The following IL1RAPL2 variants were observed in gnomAD, a reference collection of about 807,000 sequenced individuals.
IL1RAPL2 encodes interleukin 1 receptor accessory protein like 2.
A neutral mutation model predicts 44.1 loss-of-function variants in IL1RAPL2; 3 were observed. That is an observed-to-expected ratio of 0.07 (90% CI 0.03 to 0.18). IL1RAPL2 has a LOEUF of 0.18. Ranked by LOEUF, IL1RAPL2 falls within the 10% of genes least tolerant of loss-of-function variation. The probability of loss-of-function intolerance (pLI) is 1.00; values close to 1 mark genes in which losing one functional copy is unlikely to be tolerated. For synonymous variants in IL1RAPL2, 181 were observed against 178.8 expected, an observed-to-expected ratio of 1.01 and a Z score of -0.10; for missense variants, 391 against 496.4, an observed-to-expected ratio of 0.79 and a Z score of 2.02.
chrX:105,265,962 GTGCTCTCAACTAT>G, intron 4 of IL1RAPL2, among the ~76,000 whole-genome samples: 1 of 111,090 alleles, frequency 9.0e-6, no homozygotes, highest in Middle Eastern at 4.6e-3. Context: ...AAAGTAAAAA[GTGCTCTCAACTAT>G]TGTTCACATC....
chrX:105,739,420 C>T (rs1172967726), intron 7 of IL1RAPL2, among the ~76,000 whole-genome samples: 9 of 108,036 alleles, frequency 8.3e-5, no homozygotes, highest in African/African-American at 3.0e-4. Flanking sequence ...TATATGTATA[C>T]ATGTGCCATG....
At chrX:105,233,050 G>A (rs935133502) in intron 3 of IL1RAPL2, among the ~76,000 whole-genome samples, 6 of 111,894 alleles carry the variant, frequency 5.4e-5, no homozygotes, top group East Asian at 2.8e-4. Flanking sequence ...TTGGGAGGCC[G>A]AGGCGGGCGG....
intron 2 of IL1RAPL2, among the ~76,000 whole-genome samples, chrX:105,045,386 A>G (rs2031823563): frequency 8.9e-6 from 1 of 111,950 alleles, no homozygotes; most frequent in African/African-American, 3.2e-5. Context: ...ATAACAGTGT[A>G]AGTGTATAAT....
intron 2 of IL1RAPL2, among the ~76,000 whole-genome samples, chrX:104,861,086 A>T (rs1922481448): frequency 1.8e-5 from 2 of 111,873 alleles, no homozygotes; most frequent in African/African-American, 6.5e-5. Flanking sequence ...ATTTAGAAAA[A>T]CTTGCTAACC....
intron 6 of IL1RAPL2, among the ~76,000 whole-genome samples, chrX:105,500,501 A>G (rs1028887908): frequency 9.0e-6 from 1 of 111,345 alleles, no homozygotes; most frequent in Non-Finnish European, 1.9e-5. Context: ...AGACTGTTCT[A>G]TATTATTGCT....
chrX:105,318,652 G>C (rs1439521542), intron 5 of IL1RAPL2, among the ~76,000 whole-genome samples: 1 of 111,272 alleles, frequency 9.0e-6, no homozygotes, highest in African/African-American at 3.3e-5. Flanking sequence ...ATGGTGGGGA[G>C]TAGTGAAGTG....
At chrX:104,969,781 G>C (rs1333307742) in intron 2 of IL1RAPL2, among the ~76,000 whole-genome samples, 1 of 111,811 alleles carries the variant, frequency 8.9e-6, no homozygotes, top group Non-Finnish European at 1.9e-5. Flanking sequence ...AATTTGACAT[G>C]TAATTAGAGA....
chrX:105,659,953 A>G (rs2037707875), intron 6 of IL1RAPL2, among the ~76,000 whole-genome samples: 1 of 111,590 alleles, frequency 9.0e-6, no homozygotes, highest in Admixed American at 9.5e-5. Flanking sequence ...ATATTGGGGT[A>G]GAAAGTTTAT....
chrX:105,155,103 A>T (rs1458223344), intron 2 of IL1RAPL2, among the ~76,000 whole-genome samples: 3 of 111,182 alleles, frequency 2.7e-5, no homozygotes, highest in African/African-American at 9.8e-5. Flanking sequence ...GCCTCATTAT[A>T]TCTTGCTTGT....
intron 2 of IL1RAPL2, among the ~76,000 whole-genome samples, chrX:105,055,484 G>C (rs775687839): frequency 9.0e-6 from 1 of 111,612 alleles, no homozygotes; most frequent in African/African-American, 3.3e-5. Flanking sequence ...GCATTATAAA[G>C]AATAAGTTGG....
At chrX:105,535,532 C>G (rs889116525) in intron 6 of IL1RAPL2, among the ~76,000 whole-genome samples, 7 of 111,860 alleles carry the variant, frequency 6.3e-5, no homozygotes, top group Non-Finnish European at 1.1e-4. Flanking sequence ...TATTCATAAT[C>G]TCCGAAAACT....
intron 4 of IL1RAPL2, among the ~76,000 whole-genome samples, chrX:105,239,013 C>T (rs568099481): frequency 9.0e-6 from 1 of 111,516 alleles, no homozygotes; most frequent in South Asian, 3.8e-4. Context: ...TTGGAGTATG[C>T]CCCTTACCTA....
At position 104,652,930 on chromosome X, in the gene IL1RAPL2, CTCT is replaced by C. The variant is rs1304243034; in HGVS notation, c.-19-5960_-19-5958del. Among the ~76,000 whole-genome samples, 16 of 111,042 alleles carry C rather than the reference CTCT, an allele frequency of 1.4e-4. No individual in the cohort carries two copies. In the South Asian group the frequency reaches 6.1e-3, roughly 42 times the overall value. On this transcript the variant is annotated intron_variant, in intron 1 of 10. Transcript: ENST00000372582. The stretch of plus-strand genomic sequence containing the variant: ...ACATGTATGGTAGCCTTTCATACAT[CTCT>C]TCTTATTTCTTCCCTTTCCCCTGTG...
At chrX:104,599,267 T>A (rs1928826438) in intron 1 of IL1RAPL2, among the ~76,000 whole-genome samples, 2 of 111,520 alleles carry the variant, frequency 1.8e-5, no homozygotes, top group African/African-American at 6.5e-5. Context: ...ATAATTAATT[T>A]ATTTTTTTGA....
rs58832384 is a variant in IL1RAPL2 at position 104,569,676 on chromosome X, C to T, written c.-20+2625C>T. Among the ~76,000 whole-genome samples, 597 of 112,725 alleles carry T rather than the reference C, an allele frequency of 5.3e-3. 5 individuals are homozygous for T. The highest frequency in any genetic ancestry group is 0.018 in the African/African-American group (567 of 31,106). ...CAGTTTTGTTTAAAAGAATAAACTT[C>T]ACTTTATCAAATACACTGGCTTCCA... On this transcript the variant is annotated intron_variant, in intron 1 of 10. Transcript: ENST00000372582.
At chrX:105,381,356 A>G (rs1287713792) in intron 5 of IL1RAPL2, among the ~76,000 whole-genome samples, 1 of 111,745 alleles carries the variant, frequency 8.9e-6, no homozygotes, top group Non-Finnish European at 1.9e-5. Context: ...ATTCTTCTCA[A>G]CACTCTCTTC....
chrX:105,150,612 G>A (rs1438335364), intron 2 of IL1RAPL2, among the ~76,000 whole-genome samples: 1 of 111,992 alleles, frequency 8.9e-6, no homozygotes, highest in African/African-American at 3.2e-5. Context: ...CTCAGCCTTA[G>A]GGGAAAGAAC....
chrX:105,366,142 T>G (rs1160739886), intron 5 of IL1RAPL2, among the ~76,000 whole-genome samples: 1 of 110,622 alleles, frequency 9.0e-6, no homozygotes, highest in Non-Finnish European at 1.9e-5. Context: ...AGATGGGGTT[T>G]TATAATATTG....
intron 5 of IL1RAPL2, among the ~76,000 whole-genome samples, chrX:105,340,431 T>A (rs1367419912): frequency 8.9e-6 from 1 of 112,114 alleles, no homozygotes; most frequent in Non-Finnish European, 1.9e-5. Flanking sequence ...CAGGCTGGTC[T>A]CCCTGCTAAA....
Sources: gnomAD v4.1 joint callset for allele counts (sites outside exome capture counted in the v4.1 genomes callset) on GRCh38, gnomAD v4.1.1 for gene constraint, MANE v1.5 for transcripts, NCBI Gene and HGNC (gene_info 2026-07-23, HGNC 2026-07-21) for gene names.